Variants in MFHAS1 observed in about 807,000 individuals in gnomAD.
MFHAS1 encodes the protein multifunctional ROCO family signaling regulator 1.
A neutral mutation model predicts 70.4 loss-of-function variants in MFHAS1; 50 were observed. The observed-to-expected ratio is 0.71, with a 90% CI of 0.57 to 0.90. The LOEUF (loss-of-function observed/expected upper bound fraction) is 0.90, where lower values mean the gene tolerates loss of function less well. Among genes scored for constraint, MFHAS1 ranks in the 40% least tolerant of loss-of-function variants. MFHAS1 has a pLI of 0.00. For missense variants in MFHAS1, 1,795 were observed against 1,347.6 expected, an observed-to-expected ratio of 1.33 and a Z score of -5.20; for synonymous variants, 952 against 620.0, an observed-to-expected ratio of 1.54 and a Z score of -7.96.
intron 1 of MFHAS1, among the ~76,000 whole-genome samples, chr8:8,886,955 C>T (rs36045355): frequency 0.2 from 30,248 of 152,062 alleles, 3,627 homozygotes; most frequent in African/African-American, 0.33. Context: ...GCGAAACCCC[C>T]GCCTCTACTA....
At position 8,784,991 on chromosome 8, in the gene MFHAS1, A is replaced by T. The variant is rs1805485881; in HGVS notation, c.*1031T>A. The T allele has an allele frequency of 6.6e-6, 1 of 152,192 alleles. No homozygotes were observed. The highest frequency in any genetic ancestry group is 2.1e-4 in the South Asian group (1 of 4,832). The allele number at this position is 152,192 out of a possible 1,614,324, so 9.4% of individuals were successfully genotyped here. A position where few individuals can be genotyped will look rare whatever the true frequency, so the allele number is the denominator to read the frequency against. ...GAATGTAACTGGAGCCTAAATTCACAACCTTAAGATCTGACAGCCAGATGT... is the reference window on the plus strand; with the variant it reads ...GAATGTAACTGGAGCCTAAATTCACTACCTTAAGATCTGACAGCCAGATGT... On this transcript the variant is annotated 3_prime_UTR_variant, in exon 3 of 3. Transcript: ENST00000276282.
Position 8,785,942 on chromosome 8 carries a change from A to G in MFHAS1, c.*80T>C, listed in dbSNP as rs1033377875. 5 of 1,424,628 alleles carry G rather than the reference A, an allele frequency of 3.5e-6. No homozygotes were observed. The highest frequency in any genetic ancestry group is 2.8e-5 in the African/African-American group (2 of 70,372). 88.2% of individuals were successfully genotyped at this position (1,424,628 alleles called of 1,614,324 possible). ...TCACAGAACACGCTGGGGTGAGTGC[A>G]GAGGGTCTGCCAGGTGCAAAAGATG... On this transcript the variant is annotated 3_prime_UTR_variant, in exon 3 of 3. Transcript: ENST00000276282.
chr8:8,888,926 G>C (rs1585075348), intron 1 of MFHAS1, among the ~76,000 whole-genome samples: 1 of 151,424 alleles, frequency 6.6e-6, no homozygotes, highest in East Asian at 1.9e-4. Context: ...GTTGACGTTG[G>C]TGAAGCTACG....
chr8:8,889,481 G>GT (rs1466758933), intron 1 of MFHAS1, among the ~76,000 whole-genome samples: 2 of 152,222 alleles, frequency 1.3e-5, no homozygotes, highest in Non-Finnish European at 2.9e-5. Flanking sequence ...CATTCTGAAT[G>GT]TAAGCAGAGT....
chr8:8,858,776 A>C (rs748746548), intron 1 of MFHAS1, among the ~76,000 whole-genome samples: 2 of 152,118 alleles, frequency 1.3e-5, no homozygotes, highest in Non-Finnish European at 2.9e-5. Flanking sequence ...GTCGAGGTGG[A>C]CCCAAGCAGT....
At chr8:8,838,067 C>A (rs1807668389) in intron 1 of MFHAS1, among the ~76,000 whole-genome samples, 1 of 152,178 alleles carries the variant, frequency 6.6e-6, no homozygotes. Context: ...AATAAACCGG[C>A]ATATTCAGCA....
intron 2 of MFHAS1, among the ~76,000 whole-genome samples, chr8:8,794,260 G>A (rs1474920216): frequency 3.3e-5 from 5 of 152,152 alleles, no homozygotes; most frequent in African/African-American, 1.2e-4. Context: ...TTGAAAGCCA[G>A]TGCAATAGCC....
chr8:8,883,753 A>G (rs1809627992), intron 1 of MFHAS1, among the ~76,000 whole-genome samples: 1 of 151,264 alleles, frequency 6.6e-6, no homozygotes, highest in Non-Finnish European at 1.5e-5. Context: ...CATGGATAGA[A>G]GCAAGTTAAT....
At chr8:8,807,849 C>T (rs183996522) in intron 1 of MFHAS1, among the ~76,000 whole-genome samples, 1 of 152,204 alleles carries the variant, frequency 6.6e-6, no homozygotes, top group Admixed American at 6.5e-5. Context: ...GCAAAATGAA[C>T]TTGAACTTGT....
intron 1 of MFHAS1, among the ~76,000 whole-genome samples, chr8:8,840,350 A>G (rs1807768358): frequency 6.6e-6 from 1 of 151,790 alleles, no homozygotes; most frequent in Non-Finnish European, 1.5e-5. Context: ...CCAGCTACTC[A>G]GGAGGCTGAG....
intron 1 of MFHAS1, among the ~76,000 whole-genome samples, chr8:8,829,606 A>G (rs1422093993): frequency 1.3e-5 from 2 of 152,170 alleles, no homozygotes; most frequent in East Asian, 3.9e-4. Flanking sequence ...GCTTGAACCC[A>G]GTAGGTGGAG....
intron 1 of MFHAS1, among the ~76,000 whole-genome samples, chr8:8,826,247 A>AGAGT (rs138177121): frequency 2.0e-5 from 3 of 147,774 alleles, no homozygotes; most frequent in Non-Finnish European, 3.0e-5. Flanking sequence ...AAACACAAAG[A>AGAGT]GTGTGTGTGT....
intron 1 of MFHAS1, among the ~76,000 whole-genome samples, chr8:8,882,923 A>G (rs1436979998): frequency 6.6e-6 from 1 of 151,870 alleles, no homozygotes; most frequent in African/African-American, 2.4e-5. Context: ...GAGGCCGAGG[A>G]GGGAGGATCA....
chr8:8,792,786 T>C (rs1199147012), intron 2 of MFHAS1, among the ~76,000 whole-genome samples: 2 of 152,220 alleles, frequency 1.3e-5, no homozygotes, highest in African/African-American at 4.8e-5. Context: ...TTAGTAATCA[T>C]TGCACAGGTG....
At position 8,890,173 on chromosome 8, in the gene MFHAS1, C is replaced by G. The variant is rs1193381760; in HGVS notation, c.2886G>C (p.Leu962Phe). Residue 962 changes from leucine to phenylalanine, a missense_variant, in exon 1 of 3, where the codon TTG (leucine) becomes TTC (phenylalanine). Transcript: ENST00000276282. The stretch of plus-strand genomic sequence containing the variant: ...GAAGTAGGACATTCAGTTCCTCCAC[C>G]AAGGGGGTTATGGCTTGCCATGCGG... ...IWTAWQAITP[L>F]VEELNVLLQE... 6.2e-7 allele frequency: 1 copy of G among 1,614,144 alleles called. No individual in the cohort carries two copies.
intron 1 of MFHAS1, among the ~76,000 whole-genome samples, chr8:8,874,880 A>C (rs1809229668): frequency 6.6e-6 from 1 of 152,062 alleles, no homozygotes; most frequent in Admixed American, 6.5e-5. Context: ...TGAAGAGTTA[A>C]TATAAACTGA....
chr8:8,811,841 C>G (rs1326779023), intron 1 of MFHAS1, among the ~76,000 whole-genome samples: 1 of 152,224 alleles, frequency 6.6e-6, no homozygotes, highest in East Asian at 1.9e-4. Context: ...GGTTCTGAAT[C>G]CGACACTGGT....
intron 1 of MFHAS1, among the ~76,000 whole-genome samples, chr8:8,827,594 C>G (rs1478587495): frequency 6.6e-6 from 1 of 152,224 alleles, no homozygotes; most frequent in Non-Finnish European, 1.5e-5. Context: ...CTATTGACTT[C>G]TAAGACTTCT....
chr8:8,814,389 A>T (rs1388039076), intron 1 of MFHAS1, among the ~76,000 whole-genome samples: 2 of 152,246 alleles, frequency 1.3e-5, no homozygotes, highest in African/African-American at 4.8e-5. Flanking sequence ...TAGACCCTAC[A>T]GCCTGGGTGT....
Sources: gnomAD v4.1 joint callset for allele counts (sites outside exome capture counted in the v4.1 genomes callset) on GRCh38, gnomAD v4.1.1 for gene constraint, MANE v1.5 for transcripts, NCBI Gene and HGNC (gene_info 2026-07-23, HGNC 2026-07-21) for gene names.